The following CFAP43 variants were observed in gnomAD, a reference collection of about 807,000 sequenced individuals.
The protein encoded by CFAP43 is cilia and flagella associated protein 43, also known as cilia- and flagella-associated protein 43.
In CFAP43, 155 loss-of-function variants were observed where a neutral mutation model predicts 218.9. That is an observed-to-expected ratio of 0.71 (90% CI 0.62 to 0.81). The LOEUF is 0.81. Ranked by LOEUF, CFAP43 falls within the 30% of genes least tolerant of loss-of-function variation. The pLI is 0.00. For synonymous variants in CFAP43, 645 were observed against 681.3 expected (o/e 0.95, Z 0.83); for missense variants, 1,778 against 1,954.3 (o/e 0.91, Z 1.70).
chr10:104,163,641 T>G (rs989933155), intron 24 of CFAP43, among the ~76,000 whole-genome samples: 6 of 152,144 alleles, frequency 3.9e-5, no homozygotes, highest in African/African-American at 1.4e-4. Flanking sequence ...GTTCCCGCAA[T>G]GTGACCCAAC....
intron 27 of CFAP43, among the ~76,000 whole-genome samples, chr10:104,157,783 A>T (rs946755175): frequency 0.023 from 2,394 of 105,330 alleles, 19 homozygotes; most frequent in East Asian, 0.063. Flanking sequence ...TGTGAGAGAG[A>T]GAGAGAGAGA....
chr10:104,198,046 A>G lies in CFAP43; in HGVS notation c.1096-8T>C. 1 of 1,503,466 alleles carries G rather than the reference A, an allele frequency of 6.7e-7. No individual in the cohort carries two copies. Among genetic ancestry groups the G allele is most frequent in the Non-Finnish European group, 9.2e-7 (1 of 1,085,222 alleles). 93.1% of individuals were successfully genotyped at this position (1,503,466 alleles called of 1,614,324 possible). A position where few individuals can be genotyped will look rare whatever the true frequency, so the allele number is the denominator to read the frequency against. ...GTAGATATAAACAGATCCCTGATAAACATACAAAAGAAAAGAAACACATTG... is the reference window on the plus strand; with the variant it reads ...GTAGATATAAACAGATCCCTGATAAGCATACAAAAGAAAAGAAACACATTG... On this transcript the variant is annotated splice_region_variant and splice_polypyrimidine_tract_variant and intron_variant, in intron 8 of 37. Transcript: ENST00000357060.
chr10:104,202,551 C>T (rs899555582), intron 8 of CFAP43, among the ~76,000 whole-genome samples: 1 of 152,126 alleles, frequency 6.6e-6, no homozygotes, highest in Non-Finnish European at 1.5e-5. Context: ...CTCTTATGTT[C>T]CCTTCTGTAT....
chr10:104,176,405 G>C (rs1471138415), intron 19 of CFAP43, among the ~76,000 whole-genome samples: 1 of 152,168 alleles, frequency 6.6e-6, no homozygotes, highest in East Asian at 1.9e-4. Flanking sequence ...TTTAAAATCA[G>C]AGGTAAAACC....
intron 7 of CFAP43, among the ~76,000 whole-genome samples, chr10:104,204,596 G>C (rs1191123498): frequency 4.6e-5 from 7 of 152,142 alleles, no homozygotes; most frequent in Non-Finnish European, 1.0e-4. Context: ...TTTAAAGGGG[G>C]TTAAACAAAC....
chr10:104,179,138 G>T (rs2134867776), intron 18 of CFAP43, 32 bp from the exon 19 acceptor site: 3 of 1,519,286 alleles, frequency 2.0e-6, no homozygotes, highest in Non-Finnish European at 2.7e-6. Flanking sequence ...ACTTAACAAA[G>T]CAAGAGAAAT....
chr10:104,179,144 G>T, intron 18 of CFAP43, 38 bp from the exon 19 acceptor site: 1 of 1,492,178 alleles, frequency 6.7e-7, no homozygotes. Flanking sequence ...CAAAGCAAGA[G>T]AAATATCAGA....
chr10:104,185,478 A>C (rs925737446), intron 15 of CFAP43, among the ~76,000 whole-genome samples: 2 of 152,122 alleles, frequency 1.3e-5, no homozygotes, highest in African/African-American at 2.4e-5. Flanking sequence ...TTCAGCAAGC[A>C]GAGATGGTGA....
At chr10:104,212,578 G>A (rs2090896975) in intron 4 of CFAP43, among the ~76,000 whole-genome samples, 1 of 152,050 alleles carries the variant, frequency 6.6e-6, no homozygotes, top group African/African-American at 2.4e-5. Flanking sequence ...CTATAACCTG[G>A]ATATTTATGA....
chr10:104,142,170 A>G, intron 33 of CFAP43, 111 bp downstream of exon 33: 2 of 793,066 alleles, frequency 2.5e-6, no homozygotes, highest in Non-Finnish European at 2.0e-6. Context: ...CAGTGCTGGA[A>G]GGGAGATGGC....
chr10:104,206,912 G>A (rs948571670), intron 6 of CFAP43, among the ~76,000 whole-genome samples: 1 of 152,176 alleles, frequency 6.6e-6, no homozygotes, highest in Non-Finnish European at 1.5e-5. Flanking sequence ...GGTGGCTCCT[G>A]CCTGTAATCC....
At chr10:104,132,055 T>C in intron 36 of CFAP43, 61 bp downstream of exon 36, 2 of 1,287,040 alleles carry the variant, frequency 1.6e-6, no homozygotes, top group African/African-American at 1.5e-5. Context: ...TGAAACACTA[T>C]TACTTTGCTC....
At chr10:104,193,719 C>T in intron 11 of CFAP43, 147 bp downstream of exon 11, 2 of 1,148,904 alleles carry the variant, frequency 1.7e-6, no homozygotes, top group Non-Finnish European at 2.4e-6. Flanking sequence ...CCCTCTGTAC[C>T]TTTTGAGTGT....
intron 3 of CFAP43, among the ~76,000 whole-genome samples, chr10:104,223,239 G>A (rs2091228948): frequency 6.6e-6 from 1 of 151,860 alleles, no homozygotes; most frequent in Non-Finnish European, 1.5e-5. Context: ...TTTGAGAAAG[G>A]TTATACAGAT....
intron 34 of CFAP43, among the ~76,000 whole-genome samples, chr10:104,134,061 C>G (rs1044644731): frequency 6.6e-6 from 1 of 152,122 alleles, no homozygotes; most frequent in Non-Finnish European, 1.5e-5. Flanking sequence ...TTTGCCATCA[C>G]CCAATCTACC....
chr10:104,184,527 C>G (rs1430981351), intron 16 of CFAP43, among the ~76,000 whole-genome samples: 2 of 150,774 alleles, frequency 1.3e-5, no homozygotes, highest in Non-Finnish European at 2.9e-5. Flanking sequence ...TGGAGGCTAG[C>G]CAGTCTCTGA....
intron 5 of CFAP43, among the ~76,000 whole-genome samples, chr10:104,211,759 G>C (rs1380761167): frequency 6.6e-6 from 1 of 152,068 alleles, no homozygotes; most frequent in Non-Finnish European, 1.5e-5. Context: ...CCCAAATTGA[G>C]TATGCCCAAA....
intron 36 of CFAP43, 24 bp from the exon 37 acceptor site, chr10:104,131,508 C>T (rs777740285): frequency 1.9e-6 from 3 of 1,588,300 alleles, no homozygotes; most frequent in Non-Finnish European, 8.5e-7. Context: ...TCCCATGACA[C>T]CCCACAAAAT....
In CFAP43 at chr10:104,221,978, T is replaced by C. The variant is rs566665057; in HGVS notation, c.416+3483A>G. Among the ~76,000 whole-genome samples the C allele has an allele frequency of 3.7e-3, 565 of 152,350 alleles. 4 individuals carry two copies. The highest frequency in any genetic ancestry group is 6.1e-3 in the Non-Finnish European group (414 of 68,028). On this transcript the variant is annotated intron_variant, in intron 3 of 37. Transcript: ENST00000357060. ...GTCCCAGACCCCACCAGCCTGGGAC[T>C]ATAACCATGAGACCATTCCCCACCT...
Sources: allele counts gnomAD v4.1 joint callset (sites outside exome capture counted in the v4.1 genomes callset), GRCh38; gene constraint gnomAD v4.1.1; transcripts MANE v1.5; gene names NCBI Gene and HGNC (gene_info 2026-07-23, HGNC 2026-07-21).